The following PRKDC variants were observed in gnomAD, a reference collection of about 807,000 sequenced individuals.
The protein encoded by PRKDC is protein kinase, DNA-activated, catalytic subunit, also known as DNA-dependent protein kinase catalytic subunit.
In PRKDC, 82 loss-of-function variants were observed where a neutral mutation model predicts 486.9. The observed-to-expected ratio is 0.17, with a 90% CI of 0.14 to 0.20. The LOEUF (loss-of-function observed/expected upper bound fraction) is 0.20, where lower values mean the gene tolerates loss of function less well. Among genes scored for constraint, PRKDC ranks in the 10% least tolerant of loss-of-function variants. PRKDC has a pLI of 1.00. For missense variants in PRKDC, 4,504 were observed against 5,038.2 expected (o/e 0.89, Z 3.21); for synonymous variants, 1,895 against 1,837.0 (o/e 1.03, Z -0.81).
intron 31 of PRKDC, 108 bp from the exon 32 acceptor site, chr8:47,890,588 T>C (rs2089437645): frequency 7.3e-6 from 5 of 686,270 alleles, no homozygotes; most frequent in Middle Eastern, 4.1e-4. Flanking sequence ...TCAGCAAAAA[T>C]TCAAAATTTT....
At chr8:47,920,125 C>T (rs997525997) in intron 21 of PRKDC, among the ~76,000 whole-genome samples, 3 of 152,204 alleles carry the variant, frequency 2.0e-5, no homozygotes, top group African/African-American at 4.8e-5. Context: ...AGAAACGATG[C>T]TTATCACTGG....
chr8:47,839,103 CA>C (rs1323791591), intron 56 of PRKDC, 44 bp downstream of exon 56: 1 of 1,437,600 alleles, frequency 7.0e-7, no homozygotes, highest in East Asian at 2.3e-5. Context: ...CCTTTGAAAG[CA>C]ATACCCTTAA....
At chr8:47,943,158 A>G in intron 10 of PRKDC, 51 bp downstream of exon 10, 2 of 1,574,928 alleles carry the variant, frequency 1.3e-6, no homozygotes, top group Admixed American at 3.6e-5. Context: ...AAGGGAATTT[A>G]ATTCTGTGTG....
At chr8:47,842,064 A>G (rs539666081) in intron 54 of PRKDC, among the ~76,000 whole-genome samples, 27 of 152,112 alleles carry the variant, frequency 1.8e-4, no homozygotes, top group Non-Finnish European at 3.4e-4. Flanking sequence ...GACTTTGCCA[A>G]GCACAGAGGA....
chr8:47,808,279 T>C (rs1433217913), intron 68 of PRKDC, among the ~76,000 whole-genome samples: 1 of 151,134 alleles, frequency 6.6e-6, no homozygotes, highest in African/African-American at 2.4e-5. Flanking sequence ...ATAGCCGGGG[T>C]TGGTTACAGG....
At position 47,927,266 on chromosome 8, in the gene PRKDC, G is replaced by A; in HGVS notation, c.2347C>T (p.His783Tyr). 1 of 1,613,584 alleles carries A rather than the reference G, an allele frequency of 6.2e-7. No individual in the cohort carries two copies. Among genetic ancestry groups the A allele is most frequent in the Non-Finnish European group, 8.5e-7 (1 of 1,179,604 alleles). The change falls in exon 21 of 86, where the codon CAT becomes TAT. Residue 783 changes from histidine (H) to tyrosine (Y), a missense_variant. Transcript: ENST00000314191. ...LEEWSIYIDR[H>Y]VMQPYYKDIL... ...TCTTTGTAATAAGGCTGCATTACAT[G>A]TCTGTCAATATAAATTGACCATTCT...
Position 47,936,448 on chromosome 8 carries a change from T to C in PRKDC, c.1183A>G (p.Met395Val), listed in dbSNP as rs2090353713. 1 of 1,614,020 alleles carries C rather than the reference T, an allele frequency of 6.2e-7. No homozygotes were observed. The highest frequency in any genetic ancestry group is 8.5e-7 in the Non-Finnish European group (1 of 1,179,886). Residue 395 changes from methionine (M) to valine (V), a missense_variant, in exon 12 of 86, where the codon ATG becomes GTG. Physicochemically the swap from Met to Val is conservative, Grantham distance 21. This residue lies in a region of PRKDC where 1,969 missense variants were observed against 2,068.9 expected (regional missense o/e 0.95). Coordinates refer to ENST00000314191, the MANE Select transcript of PRKDC (RefSeq NM_006904.7). Reference protein sequence around the residue: ...YVELIQRCKQMFLTQTDTGDD... With the variant: ...YVELIQRCKQVFLTQTDTGDD... The stretch of plus-strand genomic sequence containing the variant: ...CCAGTGTCTGTCTGGGTGAGGAACA[T>C]CTGCTTGCAGCGCTGAATGAGCTCA...
chr8:47,953,252 A>T (rs2090654225), intron 7 of PRKDC, among the ~76,000 whole-genome samples: 1 of 152,228 alleles, frequency 6.6e-6, no homozygotes. Flanking sequence ...GGTTGCAGTG[A>T]GCCAAGAAAG....
chr8:47,803,003 G>A (rs58821828), intron 70 of PRKDC, among the ~76,000 whole-genome samples: 16 of 152,256 alleles, frequency 1.1e-4, no homozygotes, highest in African/African-American at 3.8e-4. Flanking sequence ...TGGCCAGGAT[G>A]TTCTCGATCT....
intron 64 of PRKDC, among the ~76,000 whole-genome samples, chr8:47,823,177 A>G (rs1009541560): frequency 1.3e-5 from 2 of 151,856 alleles, no homozygotes; most frequent in African/African-American, 2.4e-5. Context: ...CTACAAAAAA[A>G]TTTCAAAAAT....
rs571977145 is a variant in PRKDC, at chr8:47,862,362, G to A, written c.5919+11C>T. On this transcript the variant is annotated intron_variant, in intron 43 of 85. Coordinates refer to ENST00000314191, the MANE Select transcript of PRKDC (RefSeq NM_006904.7). ...ACAATAACAATAGTGCACACCGTAG[G>A]AGTGGCCTACCTTTTCTGGTTTTTC... is the stretch of plus-strand genomic sequence containing the variant. 2 of 1,611,050 alleles carry A rather than the reference G, an allele frequency of 1.2e-6. No homozygotes were observed. The highest frequency in any genetic ancestry group is 2.7e-5 in the African/African-American group (2 of 74,980).
Position 47,927,270 on chromosome 8 carries a change from G to A in PRKDC, c.2343C>T (p.Asp781=). The part of the protein sequence containing the change: ...NALEEWSIYI[D]RHVMQPYYKD... ...TGTAATAAGGCTGCATTACATGTCTGTCAATATAAATTGACCATTCTTCTA... is the reference window on the plus strand; with the variant it reads ...TGTAATAAGGCTGCATTACATGTCTATCAATATAAATTGACCATTCTTCTA... Residue 781 remains aspartate (D), a synonymous_variant, in exon 21 of 86, where the codon GAC becomes GAT. Transcript: ENST00000314191. The A allele has an allele frequency of 6.2e-7, 1 of 1,613,658 alleles. No individual in the cohort carries two copies. The highest frequency in any genetic ancestry group is 8.5e-7 in the Non-Finnish European group (1 of 1,179,650).
intron 58 of PRKDC, 50 bp downstream of exon 58, chr8:47,836,288 A>G: frequency 7.1e-7 from 1 of 1,412,658 alleles, no homozygotes; most frequent in East Asian, 2.4e-5. Flanking sequence ...GAAGCTGCCC[A>G]CAGAGGTCAG....
chr8:47,918,575 T>C lies in PRKDC; in HGVS notation c.2420-192A>G, dbSNP rs187508430. On this transcript the variant is annotated intron_variant, in intron 21 of 85. Transcript: ENST00000314191. ...ACATCACTGTCTGCCAAAAGGAACATGGCTCCTTGGGAAGTGTCTGACTCC... is the reference window on the plus strand; with the variant it reads ...ACATCACTGTCTGCCAAAAGGAACACGGCTCCTTGGGAAGTGTCTGACTCC... Among the ~76,000 whole-genome samples, 187 of 152,314 alleles carry C rather than the reference T, an allele frequency of 1.2e-3. 1 individual carries two copies. Among genetic ancestry groups the C allele is most frequent in the African/African-American group, 4.4e-3 (182 of 41,562 alleles).
Position 47,840,005 on chromosome 8 carries a change from G to T in PRKDC, c.7454+11C>A. The T allele has an allele frequency of 6.6e-7, 1 of 1,523,354 alleles. No homozygotes were observed. The highest frequency in any genetic ancestry group is 8.9e-7 in the Non-Finnish European group (1 of 1,127,656). The allele number at this position is 1,523,354 out of a possible 1,614,324, so 94.4% of individuals were successfully genotyped here. ...AAAGTAACAAAATAAAATAGTCAAT[G>T]TATAGCTTACCTGTAATTATCATGA... On this transcript the variant is annotated intron_variant, in intron 55 of 85. Coordinates refer to ENST00000314191, the MANE Select transcript of PRKDC (RefSeq NM_006904.7).
In PRKDC at chr8:47,807,320, G is replaced by C; in HGVS notation, c.9564C>G (p.Phe3188Leu). 6.4e-7 allele frequency: 1 copy of C among 1,551,248 alleles called. No individual in the cohort carries two copies. The highest frequency in any genetic ancestry group is 1.2e-5 in the South Asian group (1 of 80,844). Residue 3188 changes from phenylalanine to leucine, a missense_variant, in exon 69 of 86, where the codon TTC becomes TTG. Physicochemically the swap from Phe to Leu is conservative, Grantham distance 22 (BLOSUM62 0). Around this residue, in one of 6 missense-constraint regions of PRKDC, gnomAD observed 1,592 missense variants for 1,724.6 expected, o/e 0.92. Transcript: ENST00000314191. ...IWDDIITNRC[F>L]FLSKIEEKLT... ...GCTTCTCCTCTATTTTGCTGAGAAA[G>C]AAACATCTACACAAAGAAAAATGAG...
At chr8:47,947,254 C>A (rs1216428873) in intron 7 of PRKDC, among the ~76,000 whole-genome samples, 1 of 152,174 alleles carries the variant, frequency 6.6e-6, no homozygotes. Flanking sequence ...ACGACTTCTG[C>A]GTTACATCCT....
intron 10 of PRKDC, among the ~76,000 whole-genome samples, chr8:47,940,106 A>T (rs1238445775): frequency 1.3e-5 from 2 of 152,026 alleles, no homozygotes; most frequent in East Asian, 3.9e-4. Flanking sequence ...AGAGTTCAGA[A>T]CAATCTCACC....
intron 74 of PRKDC, among the ~76,000 whole-genome samples, chr8:47,789,627 T>C: frequency 6.6e-6 from 1 of 152,050 alleles, no homozygotes; most frequent in Non-Finnish European, 1.5e-5. Context: ...CAGGCCAATA[T>C]CCCTGATGAA....
Sources: allele counts gnomAD v4.1 joint callset (sites outside exome capture counted in the v4.1 genomes callset), GRCh38; gene constraint gnomAD v4.1.1; regional missense constraint gnomAD v4.1.1; transcripts MANE v1.5; gene names NCBI Gene and HGNC (gene_info 2026-07-23, HGNC 2026-07-21).